The following ZNF235 variants were observed in gnomAD, a reference collection of about 807,000 sequenced individuals.
The protein encoded by ZNF235 is zinc finger protein 235.
Under a neutral mutation model 29.4 loss-of-function variants are expected in ZNF235, and 25 were observed. The observed-to-expected ratio is 0.85, with a 90% CI of 0.62 to 1.19. The LOEUF (loss-of-function observed/expected upper bound fraction) is 1.19, where lower values mean the gene tolerates loss of function less well. Among genes scored for constraint, ZNF235 ranks in the 50% most tolerant of loss-of-function variants. The pLI, the probability that ZNF235 is intolerant of heterozygous loss-of-function variation, is 0.00. For synonymous variants in ZNF235, 300 were observed against 295.3 expected, an observed-to-expected ratio of 1.02 and a Z score of -0.16; for missense variants, 788 against 885.0, an observed-to-expected ratio of 0.89 and a Z score of 1.39.
chr19:44,303,130 TA>T (rs1272897497), intron 2 of ZNF235, among the ~76,000 whole-genome samples: 22 of 143,878 alleles, frequency 1.5e-4, no homozygotes, highest in East Asian at 5.9e-4. Flanking sequence ...TATACATATA[TA>T]TTTGTATATA....
Position 44,288,464 on chromosome 19 carries a change from C to G in ZNF235, c.971G>C (p.Cys324Ser), listed in dbSNP as rs201021330. 6.2e-7 allele frequency: 1 copy of G among 1,614,208 alleles called. No homozygotes were observed. The highest frequency in any genetic ancestry group is 1.3e-5 in the African/African-American group (1 of 75,060). ...TGAGCTCTGACTGAAACCTTTACCA[C>G]ATTCATGACACCAATAGCGTTTTTT... ...TGKKRYWCHE[C>S]GKGFSQSSNL... The change falls in exon 5 of 5, where the codon TGT becomes TCT. Residue 324 changes from cysteine to serine, a missense_variant. By Grantham distance (112) the Cys-to-Ser change is moderately radical. Transcript: ENST00000291182.
rs1174878603 is a variant in ZNF235, at chr19:44,287,988, CT to C, written c.1446del (p.Gly483GlufsTer74). On this transcript the variant is annotated frameshift_variant, in exon 5 of 5. Coordinates refer to ENST00000291182, the MANE Select transcript of ZNF235 (RefSeq NM_004234.4). LOFTEE classifies it high-confidence loss of function. Reference protein sequence around the residue: ...FNLHSHQRVHTGEKPYKCEEC... With the variant: ...FNLHSHQRVHXGEKPYKCEEC... ...TCTTCACATTTATATGGTTTTTCTCCTGTGTGGACTCGTTGATGACTATGAA... is the reference window on the plus strand; with the variant it reads ...TCTTCACATTTATATGGTTTTTCTCCGTGTGGACTCGTTGATGACTATGAA... The C allele has an allele frequency of 6.2e-7, 1 of 1,614,180 alleles. No individual in the cohort carries two copies. The highest frequency in any genetic ancestry group is 8.5e-7 in the Non-Finnish European group (1 of 1,180,042).
At chr19:44,293,770 T>G (rs1009744592) in intron 4 of ZNF235, among the ~76,000 whole-genome samples, 3 of 152,004 alleles carry the variant, frequency 2.0e-5, no homozygotes, top group Non-Finnish European at 4.4e-5. Context: ...CAAGAAGAAC[T>G]CTAGAAACTA....
intron 3 of ZNF235, 129 bp from the exon 4 acceptor site, chr19:44,299,032 C>T (rs1230194079): frequency 1.7e-6 from 1 of 601,042 alleles, no homozygotes; most frequent in East Asian, 2.8e-5. Flanking sequence ...TTTTTTTTGT[C>T]ATGACACATT....
In ZNF235 at chr19:44,295,456, T is replaced by A. The variant is rs967000589; in HGVS notation, c.238+3352A>T. Among the ~76,000 whole-genome samples, 13 of 147,716 alleles carry A rather than the reference T, an allele frequency of 8.8e-5. 1 individual carries two copies. The South Asian group carries it at 2.0e-3, about 23-fold the overall frequency. The stretch of plus-strand genomic sequence containing the variant: ...GAAGTTGTAGATGACATAAAAAAAA[T>A]GGAAAAACATCCCATGTTCATGGAT... On this transcript the variant is annotated intron_variant, in intron 4 of 4. Coordinates refer to ENST00000291182, the MANE Select transcript of ZNF235 (RefSeq NM_004234.4).
Position 44,288,756 on chromosome 19 carries a change from TATC to T in ZNF235, c.676_678del (p.Asp226del). ...ACTTTATCTCTTTTGTGCACTATATTATCATCATGGTGGTGTGAAATACAACTG... is the reference window on the plus strand; with the variant it reads ...ACTTTATCTCTTTTGTGCACTATATTATCATGGTGGTGTGAAATACAACTG... On this transcript the variant is annotated inframe_deletion, in exon 5 of 5. Transcript: ENST00000291182. 1 of 1,613,944 alleles carries T rather than the reference TATC, an allele frequency of 6.2e-7. No homozygotes were observed. The highest frequency in any genetic ancestry group is 8.5e-7 in the Non-Finnish European group (1 of 1,179,892).
chr19:44,286,397 T>G lies in ZNF235; in HGVS notation c.*821A>C, dbSNP rs1166047548. On this transcript the variant is annotated 3_prime_UTR_variant, in exon 5 of 5. Coordinates refer to ENST00000291182, the MANE Select transcript of ZNF235 (RefSeq NM_004234.4). ...AAACTTTTTGTCATCAGTAACTACT[T>G]TTAACACTTTCAGAGTTACAGTACA... 6.6e-6 allele frequency: 1 copy of G among 152,230 alleles called. No homozygotes were observed. The highest frequency in any genetic ancestry group is 1.5e-5 in the Non-Finnish European group (1 of 68,038). The allele number at this position is 152,230 out of a possible 1,614,324, so 9.4% of individuals were successfully genotyped here.
chr19:44,289,280 T>C, intron 4 of ZNF235, 84 bp from the exon 5 acceptor site: 1 of 1,303,880 alleles, frequency 7.7e-7, no homozygotes, highest in Admixed American at 2.9e-5. Flanking sequence ...GCTCTCATTT[T>C]CCCCATGGAA....
intron 4 of ZNF235, among the ~76,000 whole-genome samples, chr19:44,294,230 A>G (rs1975623317): frequency 6.6e-6 from 1 of 152,100 alleles, no homozygotes; most frequent in African/African-American, 2.4e-5. Context: ...CATTACAACT[A>G]ATACCATAGA....
rs750170202 is a variant in ZNF235 at position 44,288,466 on chromosome 19, T to C, written c.969A>G (p.Glu323=). The C allele has an allele frequency of 6.2e-7, 1 of 1,614,190 alleles. No homozygotes were observed. Among genetic ancestry groups the C allele is most frequent in the Non-Finnish European group, 8.5e-7 (1 of 1,180,014 alleles). Residue 323 remains glutamate, a synonymous_variant, in exon 5 of 5, where the codon GAA becomes GAG. Coordinates refer to ENST00000291182, the MANE Select transcript of ZNF235 (RefSeq NM_004234.4). ...AGCTCTGACTGAAACCTTTACCACA[T>C]TCATGACACCAATAGCGTTTTTTCC... The part of the protein sequence containing the change: ...RTGKKRYWCH[E]CGKGFSQSSN...
chr19:44,291,066 T>A (rs8105073), intron 4 of ZNF235, among the ~76,000 whole-genome samples: 1 of 151,996 alleles, frequency 6.6e-6, no homozygotes, highest in Admixed American at 6.5e-5. Flanking sequence ...GACTACTTGG[T>A]CTTTCTAGGA....
intron 4 of ZNF235, among the ~76,000 whole-genome samples, chr19:44,291,437 T>C (rs978855005): frequency 2.0e-5 from 3 of 151,882 alleles, no homozygotes; most frequent in Non-Finnish European, 4.4e-5. Flanking sequence ...CAAGAACAAA[T>C]TAAACACAAA....
At chr19:44,298,018 C>T (rs1239708286) in intron 4 of ZNF235, among the ~76,000 whole-genome samples, 2 of 151,954 alleles carry the variant, frequency 1.3e-5, no homozygotes, top group Non-Finnish European at 2.9e-5. Context: ...ACTCAGAAGG[C>T]TGAGGTGGGA....
At chr19:44,302,959 TATATACG>T (rs1975765762) in intron 2 of ZNF235, among the ~76,000 whole-genome samples, 1 of 134,202 alleles carries the variant, frequency 7.5e-6, no homozygotes, top group East Asian at 2.0e-4. Context: ...TATATATAAA[TATATACG>T]TATATATGTA....
intron 4 of ZNF235, among the ~76,000 whole-genome samples, chr19:44,292,777 C>T (rs1468686688): frequency 1.3e-5 from 2 of 151,918 alleles, no homozygotes; most frequent in African/African-American, 4.8e-5. Context: ...AGATGGAACT[C>T]ACCACAGCAT....
At chr19:44,304,239 CTTAAG>C (rs1181291547) in intron 1 of ZNF235, among the ~76,000 whole-genome samples, 7 of 152,198 alleles carry the variant, frequency 4.6e-5, no homozygotes, top group Admixed American at 3.3e-4. Flanking sequence ...TGGTGTTACA[CTTAAG>C]TTAACCACAC....
At chr19:44,292,010 G>C (rs1038077670) in intron 4 of ZNF235, among the ~76,000 whole-genome samples, 1 of 152,014 alleles carries the variant, frequency 6.6e-6, no homozygotes, top group Non-Finnish European at 1.5e-5. Context: ...AACAAAATGT[G>C]ATCAAATCAA....
At chr19:44,295,249 TA>T (rs577784662) in intron 4 of ZNF235, among the ~76,000 whole-genome samples, 90 of 151,882 alleles carry the variant, frequency 5.9e-4, no homozygotes, top group African/African-American at 2.0e-3. Flanking sequence ...GTTTCAGGAT[TA>T]AAAAAAATCA....
At chr19:44,294,394 C>A (rs1035789297) in intron 4 of ZNF235, among the ~76,000 whole-genome samples, 2 of 152,012 alleles carry the variant, frequency 1.3e-5, no homozygotes, top group South Asian at 4.2e-4. Context: ...CTAAACAGAC[C>A]AGTAATGAGC....
Sources: allele counts gnomAD v4.1 joint callset (sites outside exome capture counted in the v4.1 genomes callset), GRCh38; gene constraint gnomAD v4.1.1; transcripts MANE v1.5; gene names NCBI Gene and HGNC (gene_info 2026-07-23, HGNC 2026-07-21).